The following TSHZ2 variants were observed in gnomAD, a reference collection of about 807,000 sequenced individuals.
The protein encoded by TSHZ2 is teashirt zinc finger homeobox 2.
In TSHZ2, 21 loss-of-function variants were observed where a neutral mutation model predicts 74.4. That is an observed-to-expected ratio of 0.28 (90% CI 0.20 to 0.41). The LOEUF (loss-of-function observed/expected upper bound fraction) is 0.41. Ranked by LOEUF, TSHZ2 falls within the 10% of genes least tolerant of loss-of-function variation. The pLI, the probability that TSHZ2 is intolerant of heterozygous loss-of-function variation, is 1.00. For missense variants in TSHZ2, 1,244 were observed against 1,293.5 expected (o/e 0.96, Z 0.59); for synonymous variants, 540 against 515.3 (o/e 1.05, Z -0.65).
chr20:53,357,959 A>G (rs1460873696), intron 2 of TSHZ2, among the ~76,000 whole-genome samples: 2 of 152,220 alleles, frequency 1.3e-5, no homozygotes, highest in African/African-American at 2.4e-5. Context: ...ATTTCTATGA[A>G]AACAAAATAC....
At chr20:53,344,211 C>CTCA (rs370289447) in intron 2 of TSHZ2, among the ~76,000 whole-genome samples, 3 of 17,702 alleles carry the variant, frequency 1.7e-4, no homozygotes, top group Admixed American at 5.8e-4. Flanking sequence ...CCTCCTCCTC[C>CTCA]TCATCATCAT....
intron 2 of TSHZ2, among the ~76,000 whole-genome samples, chr20:53,280,668 G>GT (rs1339439476): frequency 3.2e-5 from 4 of 125,456 alleles, no homozygotes; most frequent in African/African-American, 1.7e-4. Context: ...TTTGTTTTTT[G>GT]TTGTTGTTGT....
intron 1 of TSHZ2, among the ~76,000 whole-genome samples, chr20:53,240,445 A>C (rs915355277): frequency 6.6e-6 from 1 of 152,132 alleles, no homozygotes; most frequent in Admixed American, 6.6e-5. Flanking sequence ...TTAAATGCTT[A>C]TAAGTAACTA....
intron 2 of TSHZ2, among the ~76,000 whole-genome samples, chr20:53,361,332 A>T (rs1981043820): frequency 6.6e-6 from 1 of 152,206 alleles, no homozygotes; most frequent in African/African-American, 2.4e-5. Context: ...CAGGCCTGCA[A>T]CATAATAGGC....
At chr20:53,039,544 C>T (rs551972752) in intron 1 of TSHZ2, among the ~76,000 whole-genome samples, 17 of 152,266 alleles carry the variant, frequency 1.1e-4, no homozygotes, top group African/African-American at 3.6e-4. Flanking sequence ...AAAATCTCTA[C>T]TCTAGGAGGG....
At chr20:53,166,103 C>T (rs1988055596) in intron 1 of TSHZ2, among the ~76,000 whole-genome samples, 1 of 152,198 alleles carries the variant, frequency 6.6e-6, no homozygotes, top group African/African-American at 2.4e-5. Context: ...GTGACGACAA[C>T]TGGACATCTC....
At chr20:53,105,241 C>T (rs540600307) in intron 1 of TSHZ2, among the ~76,000 whole-genome samples, 66 of 152,302 alleles carry the variant, frequency 4.3e-4, no homozygotes, top group African/African-American at 1.5e-3. Flanking sequence ...CTGACTTTAT[C>T]ATTTCTTGCT....
rs533977126 is a variant in TSHZ2 at position 53,213,726 on chromosome 20, A to G, written c.41-39773A>G. Among the ~76,000 whole-genome samples the G allele has an allele frequency of 1.6e-4, 24 of 151,628 alleles. No individual in the cohort carries two copies. In the South Asian group the frequency reaches 1.9e-3, roughly 12 times the overall value. On this transcript the variant is annotated intron_variant, in intron 1 of 2. Coordinates refer to ENST00000371497, the MANE Select transcript of TSHZ2 (RefSeq NM_173485.6). The stretch of plus-strand genomic sequence containing the variant: ...TTTTTTTTTTTGCAATTTCATGCCA[A>G]TGAACACTGATAAACCAACTTCATG...
chr20:53,301,326 T>C (rs553079435), intron 2 of TSHZ2, among the ~76,000 whole-genome samples: 51 of 152,120 alleles, frequency 3.4e-4, no homozygotes, highest in African/African-American at 1.1e-3. Context: ...AGAAAGAATA[T>C]GCCACTTTGA....
intron 1 of TSHZ2, among the ~76,000 whole-genome samples, chr20:53,004,012 G>A (rs1358747616): frequency 1.3e-5 from 2 of 151,468 alleles, no homozygotes; most frequent in Admixed American, 6.6e-5. Flanking sequence ...GTTCATATTC[G>A]ATGCCCTGTT....
chr20:53,212,128 A>T (rs576259687), intron 1 of TSHZ2, among the ~76,000 whole-genome samples: 1 of 152,302 alleles, frequency 6.6e-6, no homozygotes, highest in East Asian at 1.9e-4. Context: ...CCCAGACAGC[A>T]CTGCTTCTCT....
chr20:53,357,315 G>A (rs1980882656), intron 2 of TSHZ2, among the ~76,000 whole-genome samples: 1 of 151,668 alleles, frequency 6.6e-6, no homozygotes, highest in African/African-American at 2.4e-5. Flanking sequence ...TATAATCTGG[G>A]CTTACTTGTA....
At chr20:53,046,599 A>G (rs751090933) in intron 1 of TSHZ2, among the ~76,000 whole-genome samples, 1 of 152,134 alleles carries the variant, frequency 6.6e-6, no homozygotes, top group Non-Finnish European at 1.5e-5. Context: ...CTCTTCATAA[A>G]TTCATTTAGA....
intron 1 of TSHZ2, among the ~76,000 whole-genome samples, chr20:53,090,908 C>T (rs776271249): frequency 6.6e-6 from 1 of 152,122 alleles, no homozygotes; most frequent in Non-Finnish European, 1.5e-5. Flanking sequence ...TAACAAAACA[C>T]GCATACAGAC....
chr20:52,973,190 C>G lies in TSHZ2; in HGVS notation c.-104C>G. On this transcript the variant is annotated 5_prime_UTR_variant, in exon 1 of 3. Transcript: ENST00000371497. ...AGGCCGAGTGACGTCCTAGGAGCCACCGGGCAAGAGGCGGAGGAGACCCAG... is the reference window on the plus strand; with the variant it reads ...AGGCCGAGTGACGTCCTAGGAGCCAGCGGGCAAGAGGCGGAGGAGACCCAG... The G allele has an allele frequency of 1.4e-6, 2 of 1,475,444 alleles. No homozygotes were observed. Among genetic ancestry groups the G allele is most frequent in the Non-Finnish European group, 1.8e-6 (2 of 1,083,828 alleles). 91.4% of individuals were successfully genotyped at this position (1,475,444 alleles called of 1,614,324 possible).
chr20:53,016,987 TGGAGGA>T (rs1202753032), intron 1 of TSHZ2, among the ~76,000 whole-genome samples: 1 of 152,176 alleles, frequency 6.6e-6, no homozygotes, highest in Non-Finnish European at 1.5e-5. Flanking sequence ...ACCATGGACT[TGGAGGA>T]GAAGGAGAAT....
chr20:53,289,078 A>T (rs1434975515), intron 2 of TSHZ2, among the ~76,000 whole-genome samples: 1 of 152,200 alleles, frequency 6.6e-6, no homozygotes, highest in Admixed American at 6.5e-5. Flanking sequence ...TTGGTTTTCC[A>T]TTCCTGAGTT....
chr20:53,146,086 G>T (rs1248858447), intron 1 of TSHZ2, among the ~76,000 whole-genome samples: 1 of 152,138 alleles, frequency 6.6e-6, no homozygotes. Context: ...AGCCTGTGCT[G>T]AGGGGTGCAG....
At chr20:53,268,547 T>C (rs1990765608) in intron 2 of TSHZ2, among the ~76,000 whole-genome samples, 1 of 152,218 alleles carries the variant, frequency 6.6e-6, no homozygotes, top group African/African-American at 2.4e-5. Context: ...TTCCTGGGCT[T>C]ACATCTTTGC....
Sources: gnomAD v4.1 joint callset for allele counts (sites outside exome capture counted in the v4.1 genomes callset) on GRCh38, gnomAD v4.1.1 for gene constraint, MANE v1.5 for transcripts, NCBI Gene and HGNC (gene_info 2026-07-23, HGNC 2026-07-21) for gene names.